PXDNL: variants seen among roughly 807,000 people sequenced by gnomAD.
PXDNL encodes peroxidasin like, also known as probable oxidoreductase PXDNL.
Under a neutral mutation model 150.8 loss-of-function variants are expected in PXDNL, and 145 were observed. That is an observed-to-expected ratio of 0.96 (90% CI 0.84 to 1.10). PXDNL has a LOEUF of 1.10. Among genes scored for constraint, PXDNL ranks in the 50% least tolerant of loss-of-function variants. The probability of loss-of-function intolerance (pLI) is 0.00; values close to 1 mark genes in which losing one functional copy is unlikely to be tolerated. For missense variants in PXDNL, 2,087 were observed against 1,873.9 expected (o/e 1.11, Z -2.10); for synonymous variants, 757 against 725.7 (o/e 1.04, Z -0.69).
intron 17 of PXDNL, among the ~76,000 whole-genome samples, chr8:51,400,061 T>A (rs1586071807): frequency 6.6e-6 from 1 of 152,206 alleles, no homozygotes; most frequent in Non-Finnish European, 1.5e-5. Context: ...ATTCTAAAAG[T>A]GAAGAATTTA....
intron 1 of PXDNL, chr8:51,721,708 TC>T: frequency 6.4e-6 from 3 of 465,342 alleles, no homozygotes; most frequent in Non-Finnish European, 8.4e-6. Context: ...ATCAAAATTC[TC>T]CACAAGATCG....
intron 17 of PXDNL, among the ~76,000 whole-genome samples, chr8:51,406,092 C>G (rs553026962): frequency 7.2e-5 from 11 of 152,174 alleles, no homozygotes; most frequent in African/African-American, 2.7e-4. Context: ...GCTAACACAG[C>G]TAACACTAGA....
chr8:51,439,068 A>G (rs952337539), intron 12 of PXDNL, among the ~76,000 whole-genome samples: 2 of 152,228 alleles, frequency 1.3e-5, no homozygotes, highest in African/African-American at 4.8e-5. Context: ...AACAAAGATA[A>G]ATAAATGGTT....
chr8:51,404,218 T>A (rs1172188161), intron 17 of PXDNL, among the ~76,000 whole-genome samples: 1 of 152,234 alleles, frequency 6.6e-6, no homozygotes, highest in Non-Finnish European at 1.5e-5. Context: ...AGAACAAAGC[T>A]TCCACACTGT....
rs1334153364 is a variant in PXDNL at position 51,408,852 on chromosome 8, A to G, written c.2772T>C (p.Phe924=). 6.3e-7 allele frequency: 1 copy of G among 1,580,528 alleles called. No homozygotes were observed. Among genetic ancestry groups the G allele is most frequent in the Non-Finnish European group, 8.6e-7 (1 of 1,164,374 alleles). The change falls in exon 17 of 23, where the codon TTT becomes TTC. Residue 924 remains phenylalanine, a synonymous_variant. Coordinates refer to ENST00000356297, the MANE Select transcript of PXDNL (RefSeq NM_144651.5). ...SVPRGLLKTG[F]PWPPSGKPLL... ...AGGGCTTTCCGGAGGGAGGCCAAGG[A>G]AAGCCTGTCTTCAGGAGACCCCGAG...
At chr8:51,475,282 C>G in intron 6 of PXDNL, 141 bp from the exon 7 acceptor site, 1 of 764,670 alleles carries the variant, frequency 1.3e-6, no homozygotes, top group Non-Finnish European at 2.1e-6. Flanking sequence ...AACCAATAAA[C>G]AGATTTTAAG....
Position 51,409,532 on chromosome 8 carries a change from G to T in PXDNL, c.2092C>A (p.Arg698Ser), listed in dbSNP as rs958208659. 2 of 1,600,698 alleles carry T rather than the reference G, an allele frequency of 1.2e-6. No individual in the cohort carries two copies. The highest frequency in any genetic ancestry group is 1.7e-6 in the Non-Finnish European group (2 of 1,173,312). ...AAATTGGCGATGAGGCTGAGGGAGCGCGGGGACACCAAGTCATTGTACCGG... is the reference window on the plus strand; with the variant it reads ...AAATTGGCGATGAGGCTGAGGGAGCTCGGGGACACCAAGTCATTGTACCGG... ...EFRYNDLVSP[R>S]SLSLIANLSG... Residue 698 changes from arginine to serine, a missense_variant, in exon 17 of 23, where the codon CGC becomes AGC. Transcript: ENST00000356297.
chr8:51,505,967 A>G (rs924309274), intron 4 of PXDNL, among the ~76,000 whole-genome samples: 3 of 152,234 alleles, frequency 2.0e-5, no homozygotes, highest in Non-Finnish European at 4.4e-5. Flanking sequence ...ACTATTCAGG[A>G]ATTAATTAAA....
intron 4 of PXDNL, among the ~76,000 whole-genome samples, chr8:51,515,318 T>C (rs1184704143): frequency 6.6e-6 from 1 of 152,118 alleles, no homozygotes; most frequent in Non-Finnish European, 1.5e-5. Flanking sequence ...ACACCCTAGC[T>C]GGTCTGTGCT....
intron 4 of PXDNL, among the ~76,000 whole-genome samples, chr8:51,553,250 C>A (rs1439760852): frequency 6.6e-6 from 1 of 152,180 alleles, no homozygotes; most frequent in Non-Finnish European, 1.5e-5. Context: ...CTCTCCCAGG[C>A]TGACATTGCA....
chr8:51,339,585 G>A (rs752932195), intron 21 of PXDNL, 39 bp downstream of exon 21: 38 of 1,585,714 alleles, frequency 2.4e-5, no homozygotes, highest in East Asian at 4.5e-5. Context: ...TTATTCCAAC[G>A]CATACAATAA....
At chr8:51,607,898 T>A (rs78804667) in intron 2 of PXDNL, among the ~76,000 whole-genome samples, 9,240 of 41,838 alleles carry the variant, frequency 0.22, 621 homozygotes, top group South Asian at 0.25. Flanking sequence ...GGAAGGAAGG[T>A]GGGGAGGGAG....
At chr8:51,535,721 A>T (rs772136382) in intron 4 of PXDNL, among the ~76,000 whole-genome samples, 11,325 of 142,044 alleles carry the variant, frequency 0.08, 773 homozygotes, top group East Asian at 0.22. Flanking sequence ...CAATAAAAAA[A>T]TAAATAAATA....
intron 1 of PXDNL, among the ~76,000 whole-genome samples, chr8:51,745,367 CAA>C (rs1398264437): frequency 6.6e-6 from 1 of 152,136 alleles, no homozygotes; most frequent in East Asian, 1.9e-4. Context: ...ATCCAACAAA[CAA>C]ATAACAACAA....
intron 2 of PXDNL, among the ~76,000 whole-genome samples, chr8:51,611,053 AGGGCAGGGTCATTGTATGGGTATTAGG>A (rs1250241323): frequency 6.6e-5 from 10 of 152,278 alleles, no homozygotes; most frequent in Admixed American, 6.5e-5. Flanking sequence ...TCCACATTCC[AGGGCAGGGTCATTGTATGGGTATTAGG>A]GGGTCATCTT....
chr8:51,485,384 C>T (rs10091000), intron 5 of PXDNL, among the ~76,000 whole-genome samples: 2,101 of 152,274 alleles, frequency 0.014, 51 homozygotes, highest in African/African-American at 0.047. Flanking sequence ...CTCTTCTTGA[C>T]CAAACTCTAC....
At chr8:51,501,250 T>A (rs2130294352) in intron 4 of PXDNL, among the ~76,000 whole-genome samples, 1 of 152,254 alleles carries the variant, frequency 6.6e-6, no homozygotes, top group Admixed American at 6.5e-5. Flanking sequence ...CAACTTTACC[T>A]TGGTTGCCTT....
At chr8:51,487,190 A>G (rs1015667936) in intron 5 of PXDNL, among the ~76,000 whole-genome samples, 1 of 152,152 alleles carries the variant, frequency 6.6e-6, no homozygotes, top group Non-Finnish European at 1.5e-5. Context: ...TACAAAGTTT[A>G]TACAGAGTTT....
At chr8:51,608,778 A>G (rs1350018197) in intron 2 of PXDNL, among the ~76,000 whole-genome samples, 3 of 137,816 alleles carry the variant, frequency 2.2e-5, no homozygotes, top group African/African-American at 8.2e-5. Flanking sequence ...CGGAGCTTGC[A>G]GTGAGCCGAG....
Sources: gnomAD v4.1 joint callset for allele counts (sites outside exome capture counted in the v4.1 genomes callset) on GRCh38, gnomAD v4.1.1 for gene constraint, MANE v1.5 for transcripts, NCBI Gene and HGNC (gene_info 2026-07-23, HGNC 2026-07-21) for gene names.